Variants in SENP5 observed in about 807,000 individuals in gnomAD.
SENP5 encodes SUMO specific peptidase 5, also known as sentrin-specific protease 5.
Under a neutral mutation model 74.2 loss-of-function variants are expected in SENP5, and 21 were observed. The observed-to-expected ratio is 0.28, with a 90% CI of 0.20 to 0.41. The LOEUF (loss-of-function observed/expected upper bound fraction) is 0.41. Ranked by LOEUF, SENP5 falls within the 10% of genes least tolerant of loss-of-function variation. The pLI, the probability that SENP5 is intolerant of heterozygous loss-of-function variation, is 1.00. For missense variants in SENP5, 717 were observed against 889.1 expected, an observed-to-expected ratio of 0.81 and a Z score of 2.46; for synonymous variants, 311 against 312.7, an observed-to-expected ratio of 0.99 and a Z score of 0.06.
intron 5 of SENP5, among the ~76,000 whole-genome samples, chr3:196,900,693 C>G (rs1577821968): frequency 6.6e-6 from 1 of 152,126 alleles, no homozygotes. Context: ...TCAAGCGATT[C>G]TCCTGTCTCA....
rs1343959284 is a variant in SENP5 at position 196,931,824 on chromosome 3, T to A, written c.*901T>A. On this transcript the variant is annotated 3_prime_UTR_variant, in exon 10 of 10. Transcript: ENST00000323460. ...TGTGTTGCCTCCCAATTGGAAGAAG[T>A]TAAGGTTTACCAAATGCATTTCTAT... 2.5e-6 allele frequency: 1 copy of A among 396,898 alleles called. No homozygotes were observed. The highest frequency in any genetic ancestry group is 3.1e-5 in the Admixed American group (1 of 32,466). 24.6% of individuals were successfully genotyped at this position (396,898 alleles called of 1,614,324 possible). A position where few individuals can be genotyped will look rare whatever the true frequency, so the allele number is the denominator to read the frequency against.
intron 1 of SENP5, among the ~76,000 whole-genome samples, chr3:196,880,638 CTTTT>C (rs56188124): frequency 9.8e-6 from 1 of 101,960 alleles, no homozygotes. Flanking sequence ...GCCAGTTATT[CTTTT>C]TTTTTTTTTT....
At position 196,903,583 on chromosome 3, in the gene SENP5, T is replaced by C. The variant is rs749541004; in HGVS notation, c.1857T>C (p.Tyr619=). The C allele has an allele frequency of 1.2e-6, 2 of 1,605,520 alleles. No homozygotes were observed. Among genetic ancestry groups the C allele is most frequent in the South Asian group, 2.2e-5 (2 of 89,118 alleles). The change falls in exon 6 of 10, where the codon TAT becomes TAC. Residue 619 remains tyrosine, a synonymous_variant. Transcript: ENST00000323460. The part of the protein sequence containing the change: ...FFHRQLVTKG[Y]NGVKRWTKKV... The stretch of plus-strand genomic sequence containing the variant: ...ATAGACAGCTGGTAACCAAAGGATA[T>C]AATGGAGTAAAAAGATGGACTAAAA...
intron 8 of SENP5, among the ~76,000 whole-genome samples, chr3:196,928,515 A>G (rs924439396): frequency 1.3e-5 from 2 of 152,346 alleles, no homozygotes; most frequent in South Asian, 2.1e-4. Flanking sequence ...AGGGATAAGC[A>G]TCGTCTTTAT....
intron 9 of SENP5, among the ~76,000 whole-genome samples, chr3:196,930,032 T>C (rs1250787696): frequency 1.3e-5 from 2 of 151,994 alleles, no homozygotes; most frequent in Admixed American, 6.6e-5. Context: ...TGCAGGTCTT[T>C]GACACAGTGA....
rs1714615675 is a variant in SENP5 at position 196,899,691 on chromosome 3, G to A, written c.1539G>A (p.Lys513=). 6.2e-7 allele frequency: 1 copy of A among 1,609,314 alleles called. No homozygotes were observed. Among genetic ancestry groups the A allele is most frequent in the South Asian group, 1.1e-5 (1 of 90,978 alleles). The stretch of plus-strand genomic sequence containing the variant: ...GATTCCTAGATGAGGTTATGAAGAA[G>A]TATGGCAGTTTGGTTCCACTCAGTG... ...LSGFLDEVMK[K]YGSLVPLSEK... Residue 513 remains lysine (K), a synonymous_variant, in exon 3 of 10, where the codon AAG becomes AAA. Coordinates refer to ENST00000323460, the MANE Select transcript of SENP5 (RefSeq NM_152699.5).
At chr3:196,891,117 A>G (rs564295293) in intron 2 of SENP5, among the ~76,000 whole-genome samples, 1 of 152,374 alleles carries the variant, frequency 6.6e-6, no homozygotes, top group African/African-American at 2.4e-5. Flanking sequence ...ATTATTCTAT[A>G]AAAGGAATAA....
At chr3:196,908,908 T>C (rs1370693107) in intron 6 of SENP5, among the ~76,000 whole-genome samples, 1 of 151,606 alleles carries the variant, frequency 6.6e-6, no homozygotes, top group Non-Finnish European at 1.5e-5. Context: ...AAGAAATAAC[T>C]AAGATCAGAG....
intron 9 of SENP5, 112 bp from the exon 10 acceptor site, chr3:196,930,701 G>T (rs1382637735): frequency 4.2e-6 from 3 of 707,892 alleles, no homozygotes; most frequent in Non-Finnish European, 7.6e-6. Flanking sequence ...GTGCCAAAAA[G>T]GTTGGGGTCT....
At chr3:196,919,498 A>C (rs1715524937) in intron 6 of SENP5, among the ~76,000 whole-genome samples, 1 of 151,998 alleles carries the variant, frequency 6.6e-6, no homozygotes, top group Non-Finnish European at 1.5e-5. Context: ...ACAAATGAAC[A>C]AAGAAACGTG....
At chr3:196,898,578 G>A (rs986738225) in intron 2 of SENP5, among the ~76,000 whole-genome samples, 1 of 151,900 alleles carries the variant, frequency 6.6e-6, no homozygotes, top group Admixed American at 6.6e-5. Context: ...TGGGATGATA[G>A]AAAGAGACCC....
intron 1 of SENP5, among the ~76,000 whole-genome samples, chr3:196,870,536 T>C (rs930219007): frequency 6.6e-6 from 1 of 152,094 alleles, no homozygotes; most frequent in Non-Finnish European, 1.5e-5. Context: ...TTTTTTTCTT[T>C]TGAGACAGAG....
chr3:196,914,586 A>AAAAAAAAAAAAAATATAT, intron 6 of SENP5: 28 of 33,480 alleles, frequency 8.4e-4, no homozygotes, highest in Non-Finnish European at 1.1e-3. Context: ...AAAAAAAAAA[A>AAAAAAAAAAAAAATATAT]ATATATATAT....
At chr3:196,868,573 C>A (rs1305555431) in intron 1 of SENP5, among the ~76,000 whole-genome samples, 1 of 152,198 alleles carries the variant, frequency 6.6e-6, no homozygotes, top group East Asian at 1.9e-4. Flanking sequence ...TATCAGCCTC[C>A]GCTCTACGCC....
chr3:196,931,634 T>G lies in SENP5; in HGVS notation c.*711T>G. 4.1e-6 allele frequency: 1 copy of G among 245,806 alleles called. No homozygotes were observed. The highest frequency in any genetic ancestry group is 8.0e-6 in the Non-Finnish European group (1 of 124,696). The allele number at this position is 245,806 out of a possible 1,614,324, so 15.2% of individuals were successfully genotyped here. On this transcript the variant is annotated 3_prime_UTR_variant, in exon 10 of 10. Coordinates refer to ENST00000323460, the MANE Select transcript of SENP5 (RefSeq NM_152699.5). ...CAGATTTCAATCGTGGTTTTAGGAA[T>G]TATAATACGTGGCATACATCTCATA... is the stretch of plus-strand genomic sequence containing the variant.
chr3:196,913,666 T>G (rs1198997031), intron 6 of SENP5, among the ~76,000 whole-genome samples: 1 of 145,576 alleles, frequency 6.9e-6, no homozygotes, highest in Non-Finnish European at 1.5e-5. Flanking sequence ...TTTTTTTTTT[T>G]TTTGATGGAG....
At chr3:196,903,639 A>G in intron 6 of SENP5, 29 bp downstream of exon 6, 1 of 1,427,544 alleles carries the variant, frequency 7.0e-7, no homozygotes, top group Non-Finnish European at 9.7e-7. Context: ...TTTTATTCCA[A>G]ATTTGAAACG....
At chr3:196,907,657 T>A (rs951525691) in intron 6 of SENP5, among the ~76,000 whole-genome samples, 1 of 152,148 alleles carries the variant, frequency 6.6e-6, no homozygotes, top group African/African-American at 2.4e-5. Context: ...GGGTGTCCAA[T>A]CTTTTGGCTT....
At chr3:196,893,420 C>A (rs1714298501) in intron 2 of SENP5, among the ~76,000 whole-genome samples, 1 of 151,888 alleles carries the variant, frequency 6.6e-6, no homozygotes, top group African/African-American at 2.4e-5. Flanking sequence ...GCCCTTTTAC[C>A]CAGAAATTTA....
Sources: gnomAD v4.1 joint callset for allele counts (sites outside exome capture counted in the v4.1 genomes callset) on GRCh38, gnomAD v4.1.1 for gene constraint, MANE v1.5 for transcripts, NCBI Gene and HGNC (gene_info 2026-07-23, HGNC 2026-07-21) for gene names.